Variants in IGSF9B observed in about 807,000 individuals in gnomAD.
IGSF9B encodes immunoglobulin superfamily member 9B.
In IGSF9B, 48 loss-of-function variants were observed where a neutral mutation model predicts 143.7. That is an observed-to-expected ratio of 0.33 (90% CI 0.26 to 0.42). The LOEUF is 0.42. IGSF9B is among the 20% of genes least tolerant of loss of function. IGSF9B has a pLI of 1.00. For synonymous variants in IGSF9B, 903 were observed against 833.1 expected (o/e 1.08, Z -1.44); for missense variants, 1,706 against 1,980.0 (o/e 0.86, Z 2.63).
chr11:133,912,142 T>C, intron 18 of IGSF9B, 135 bp from the exon 19 acceptor site: 1 of 1,024,574 alleles, frequency 9.8e-7, no homozygotes, highest in Non-Finnish European at 1.4e-6. Context: ...GTGCCCACGA[T>C]GGCTCCATGA....
chr11:133,942,450 T>G (rs1395596960), intron 3 of IGSF9B, among the ~76,000 whole-genome samples: 1 of 152,178 alleles, frequency 6.6e-6, no homozygotes, highest in East Asian at 1.9e-4. Context: ...CAACTCCCAC[T>G]CGTGCAAACT....
chr11:133,920,876 G>A lies in IGSF9B; in HGVS notation c.2849C>T (p.Thr950Ile), dbSNP rs368677086. The A allele has an allele frequency of 3.5e-5, 56 of 1,606,014 alleles. No homozygotes were observed. The highest frequency in any genetic ancestry group is 4.3e-5 in the Non-Finnish European group (51 of 1,176,230). Residue 950 changes from threonine to isoleucine, a missense_variant, in exon 18 of 20, where the codon ACA becomes ATA. By Grantham distance (89) the Thr-to-Ile change is moderately conservative (BLOSUM62 -1). This residue lies in a region of IGSF9B where 880 missense variants were observed against 762.9 expected (regional missense o/e 1.15). Coordinates refer to ENST00000533871, the MANE Select transcript of IGSF9B (RefSeq NM_001277285.4). ...PGGLEGRLQA[T>I]GQARPPAPRP... is the part of the protein sequence containing the mutation. Reference sequence around the variant, plus strand: ...GGGGGCAGGGGGCCGGGCCTGGCCTGTGGCCTGAAGCCGACCTTCCAGGCC... The same window carrying A: ...GGGGGCAGGGGGCCGGGCCTGGCCTATGGCCTGAAGCCGACCTTCCAGGCC...
At position 133,920,727 on chromosome 11, in the gene IGSF9B, G is replaced by A. The variant is rs752691103; in HGVS notation, c.2998C>T (p.Pro1000Ser). Reference sequence around the variant, plus strand: ...CCAAAGGGCCCCTCGGTGGGCAGGGGCGGGGACGACATGACGGAGCTCAGG... The same window carrying A: ...CCAAAGGGCCCCTCGGTGGGCAGGGACGGGGACGACATGACGGAGCTCAGG... ...SPLSSVMSSP[P>S]LPTEGPFGHP... The change falls in exon 18 of 20, where the codon CCC becomes TCC. Residue 1000 changes from proline (P) to serine (S), a missense_variant. Pro to Ser is a moderately conservative substitution (Grantham distance 74, BLOSUM62 -1). This residue lies in a region of IGSF9B where 880 missense variants were observed against 762.9 expected (regional missense o/e 1.15). Coordinates refer to ENST00000533871, the MANE Select transcript of IGSF9B (RefSeq NM_001277285.4). 4 of 1,613,046 alleles carry A rather than the reference G, an allele frequency of 2.5e-6. No individual in the cohort carries two copies. The highest frequency in any genetic ancestry group is 4.5e-5 in the East Asian group (2 of 44,866).
chr11:133,918,672 A>C (rs1022690863), intron 18 of IGSF9B, among the ~76,000 whole-genome samples: 10 of 147,124 alleles, frequency 6.8e-5, no homozygotes, highest in Non-Finnish European at 1.2e-4. Flanking sequence ...GGGACGGGGC[A>C]GGGGGAGGGC....
chr11:133,956,850 G>A lies in IGSF9B; in HGVS notation c.-96C>T. 2.9e-6 allele frequency: 2 copies of A among 684,670 alleles called. No homozygotes were observed. The highest frequency in any genetic ancestry group is 4.2e-6 in the Non-Finnish European group (2 of 474,968). 42.4% of individuals were successfully genotyped at this position (684,670 alleles called of 1,614,324 possible). ...CGAGCGCCCGCCTCGCGCCCGCCTC[G>A]CGCCGCCTACGCCCCGCGCCGGTGC... On this transcript the variant is annotated 5_prime_UTR_variant, in exon 1 of 20. Coordinates refer to ENST00000533871, the MANE Select transcript of IGSF9B (RefSeq NM_001277285.4).
intron 1 of IGSF9B, among the ~76,000 whole-genome samples, chr11:133,949,097 C>T (rs947501060): frequency 2.6e-5 from 4 of 152,126 alleles, no homozygotes; most frequent in Non-Finnish European, 4.4e-5. Flanking sequence ...CAAGGCAGGC[C>T]GTCCCCTCCC....
intron 2 of IGSF9B, among the ~76,000 whole-genome samples, chr11:133,944,798 C>A (rs1396895428): frequency 6.6e-6 from 1 of 152,222 alleles, no homozygotes; most frequent in East Asian, 1.9e-4. Flanking sequence ...TCCATTCAGG[C>A]TGAGCAATAT....
chr11:133,903,876 A>G lies in IGSF9B; in HGVS notation c.*5193T>C, dbSNP rs1939176229. The stretch of plus-strand genomic sequence containing the variant: ...CAAACAGCAAGCTGGTAAGAGTGCG[A>G]AAGTCCAATCTGGGCTTTGATCCTT... On this transcript the variant is annotated 3_prime_UTR_variant, in exon 20 of 20. Coordinates refer to ENST00000533871, the MANE Select transcript of IGSF9B (RefSeq NM_001277285.4). 6.6e-6 allele frequency among the ~76,000 whole-genome samples: 1 copy of G among 152,208 alleles called. No homozygotes were observed. Among genetic ancestry groups the G allele is most frequent in the Non-Finnish European group, 1.5e-5 (1 of 68,040 alleles).
chr11:133,929,445 C>T (rs1221760033), intron 12 of IGSF9B, among the ~76,000 whole-genome samples: 23 of 152,160 alleles, frequency 1.5e-4, no homozygotes, highest in Admixed American at 1.5e-3. Flanking sequence ...GAGGCCCAGA[C>T]CCCTCAGGCC....
Position 133,902,441 on chromosome 11 carries a change from C to CGCA in IGSF9B, c.*6627_*6628insTGC, listed in dbSNP as rs375513024. Among the ~76,000 whole-genome samples, 14 of 143,462 alleles carry CGCA rather than the reference C, an allele frequency of 9.8e-5. No individual in the cohort carries two copies. The highest frequency in any genetic ancestry group is 2.3e-4 in the South Asian group (1 of 4,298). 94.1% of individuals were successfully genotyped at this position (143,462 alleles called of 152,430 possible). On this transcript the variant is annotated 3_prime_UTR_variant, in exon 20 of 20. Coordinates refer to ENST00000533871, the MANE Select transcript of IGSF9B (RefSeq NM_001277285.4). ...CAATACACACACCACACCACACACACCACCCAGACACACCACACACAGATA... is the reference window on the plus strand; with the variant it reads ...CAATACACACACCACACCACACACACGCACACCCAGACACACCACACACAGATA...
rs1365868145 is a variant in IGSF9B at position 133,931,374 on chromosome 11, C to T, written c.1368+79G>A. On this transcript the variant is annotated intron_variant, in intron 10 of 19. Coordinates refer to ENST00000533871, the MANE Select transcript of IGSF9B (RefSeq NM_001277285.4). This position sits in a 1 kb window ranked among gnomAD's most constrained non-coding sequence, Gnocchi z 7.7. ...CCCTCAGCCCCGGGGCTCGCTGGGC[C>T]CTCAAACCTCCCCGCAGCCCCAGGG... 6 of 1,089,096 alleles carry T rather than the reference C, an allele frequency of 5.5e-6. No individual in the cohort carries two copies. Among genetic ancestry groups the T allele is most frequent in the Non-Finnish European group, 6.8e-6 (5 of 736,518 alleles). The allele number at this position is 1,089,096 out of a possible 1,614,324, so 67.5% of individuals were successfully genotyped here.
chr11:133,922,480 G>C, intron 16 of IGSF9B, 89 bp downstream of exon 16: 1 of 1,301,902 alleles, frequency 7.7e-7, no homozygotes, highest in Admixed American at 2.1e-5. Context: ...TATTTCCAAG[G>C]GGGGCCATGC....
intron 12 of IGSF9B, among the ~76,000 whole-genome samples, chr11:133,927,323 G>T (rs1014998491): frequency 6.6e-6 from 1 of 152,232 alleles, no homozygotes; most frequent in Non-Finnish European, 1.5e-5. Flanking sequence ...TACCAAAGGG[G>T]CCTTTAGGTG....
In IGSF9B at chr11:133,921,249, C is replaced by G. The variant is rs975455776; in HGVS notation, c.2476G>C (p.Ala826Pro). Reference sequence around the variant, plus strand: ...ACGCTGTACTTCTTGCTGCTGATGGCCCGCTTGGTCTTCTTGTACAGCGAC... The same window carrying G: ...ACGCTGTACTTCTTGCTGCTGATGGGCCGCTTGGTCTTCTTGTACAGCGAC... ...ELSLYKKTKR[A>P]ISSKKYSVAK... is the part of the protein sequence containing the mutation. The change falls in exon 18 of 20, where the codon GCC becomes CCC. Residue 826 changes from alanine (A) to proline (P), a missense_variant. By Grantham distance (27) the Ala-to-Pro change is conservative. Transcript: ENST00000533871. The G allele has an allele frequency of 1.9e-6, 3 of 1,610,726 alleles. No homozygotes were observed. The highest frequency in any genetic ancestry group is 2.5e-6 in the Non-Finnish European group (3 of 1,179,070).
At chr11:133,922,467 C>T (rs1939558731) in intron 16 of IGSF9B, 102 bp downstream of exon 16, 1 of 1,187,422 alleles carries the variant, frequency 8.4e-7, no homozygotes, top group South Asian at 1.5e-5. Context: ...ATCTCAATGT[C>T]CCTATTTCCA....
chr11:133,926,565 C>A (rs540789997), intron 13 of IGSF9B, among the ~76,000 whole-genome samples: 265 of 152,370 alleles, frequency 1.7e-3, no homozygotes, highest in African/African-American at 5.9e-3. Context: ...CACATGCCTA[C>A]CGCCCAGTGA....
Position 133,919,916 on chromosome 11 carries a change from C to G in IGSF9B, c.3809G>C (p.Arg1270Pro), listed in dbSNP as rs563810272. The G allele has an allele frequency of 5.8e-6, 9 of 1,564,968 alleles. No homozygotes were observed. In the African/African-American group the frequency reaches 1.1e-4, roughly 19 times the overall value. ...CAGAGTGGTGAAGCCCATGGCGGGC[C>G]GGTAGCTGGGACTCCCACTGCGGCT... ...QSSRSGSPSY[R>P]PAMGFTTLAT... The change falls in exon 18 of 20, where the codon CGG (arginine) becomes CCG (proline). Residue 1270 changes from arginine to proline, a missense_variant. By Grantham distance (103) the Arg-to-Pro change is moderately radical (BLOSUM62 -2). This residue lies in a region of IGSF9B where 880 missense variants were observed against 762.9 expected (regional missense o/e 1.15). Transcript: ENST00000533871.
At position 133,897,475 on chromosome 11, in the gene IGSF9B, CA is replaced by C. The variant is rs1939039879; in HGVS notation, c.*11593del. 6.6e-6 allele frequency: 1 copy of C among 152,298 alleles called. No homozygotes were observed. Among genetic ancestry groups the C allele is most frequent in the Non-Finnish European group, 1.5e-5 (1 of 68,100 alleles). The allele number at this position is 152,298 out of a possible 1,614,324, so 9.4% of individuals were successfully genotyped here. ...AGGCAGCAGAAGGGTGTCCCATCCT[CA>C]CCGTCATCTTTTACTTCCCAGGGTG... On this transcript the variant is annotated 3_prime_UTR_variant, in exon 20 of 20. Coordinates refer to ENST00000533871, the MANE Select transcript of IGSF9B (RefSeq NM_001277285.4).
In IGSF9B at chr11:133,920,050, G is replaced by A. The variant is rs1280157516; in HGVS notation, c.3675C>T (p.Arg1225=). ...TCTCTGCCTGCTGCAGGAGGCCCGG[G>A]CGAGGCCGGGCACGGGCGGCGAGCT... The part of the protein sequence containing the change: ...SPELAARARP[R]PGLLQQAEMS... The change falls in exon 18 of 20, where the codon CGC becomes CGT. Residue 1225 remains arginine (R), a synonymous_variant. Coordinates refer to ENST00000533871, the MANE Select transcript of IGSF9B (RefSeq NM_001277285.4). The A allele has an allele frequency of 1.3e-6, 2 of 1,558,396 alleles. No homozygotes were observed. Among genetic ancestry groups the A allele is most frequent in the Non-Finnish European group, 1.7e-6 (2 of 1,154,232 alleles).
Sources: allele counts gnomAD v4.1 joint callset (sites outside exome capture counted in the v4.1 genomes callset), GRCh38; gene constraint gnomAD v4.1.1; regional missense constraint gnomAD v4.1.1; non-coding constraint Gnocchi (gnomAD v3.1); transcripts MANE v1.5; gene names NCBI Gene and HGNC (gene_info 2026-07-23, HGNC 2026-07-21).